PAX5: variants seen among roughly 807,000 people sequenced by gnomAD.
PAX5 encodes paired box 5.
PAX5 carries 9 observed loss-of-function variants against 43.7 expected under a neutral mutation model. That is an observed-to-expected ratio of 0.21 (90% CI 0.12 to 0.36). PAX5 has a LOEUF of 0.36. PAX5 is among the 10% of genes least tolerant of loss of function. The probability of loss-of-function intolerance (pLI) is 1.00; values close to 1 mark genes in which losing one functional copy is unlikely to be tolerated. For missense variants in PAX5, 383 were observed against 532.7 expected, an observed-to-expected ratio of 0.72 and a Z score of 2.77; for synonymous variants, 228 against 214.3, an observed-to-expected ratio of 1.06 and a Z score of -0.56.
intron 6 of PAX5, among the ~76,000 whole-genome samples, chr9:36,943,925 C>T (rs906280586): frequency 1.3e-5 from 2 of 152,082 alleles, no homozygotes; most frequent in African/African-American, 4.8e-5. Context: ...GTGGCTCACA[C>T]CTGTAATCTC....
chr9:36,950,603 G>C (rs2132106206), intron 6 of PAX5, among the ~76,000 whole-genome samples: 1 of 152,268 alleles, frequency 6.6e-6, no homozygotes, highest in South Asian at 2.1e-4. Flanking sequence ...ACTAAGATGA[G>C]AGCTGCCTCT....
intron 7 of PAX5, among the ~76,000 whole-genome samples, chr9:36,908,807 A>G (rs927912769): frequency 6.6e-6 from 1 of 152,232 alleles, no homozygotes; most frequent in Non-Finnish European, 1.5e-5. Flanking sequence ...AAAATCTATG[A>G]GACCATTAGC....
At chr9:36,900,620 C>G (rs993556791) in intron 7 of PAX5, among the ~76,000 whole-genome samples, 4 of 152,172 alleles carry the variant, frequency 2.6e-5, no homozygotes, top group African/African-American at 9.7e-5. Flanking sequence ...CCACTCACTC[C>G]CCCACTCCGG....
intron 5 of PAX5, among the ~76,000 whole-genome samples, chr9:36,971,665 C>T (rs1588116883): frequency 6.6e-6 from 1 of 152,288 alleles, no homozygotes; most frequent in East Asian, 1.9e-4. Context: ...GTAATAGACC[C>T]AGTGCTGGGC....
chr9:36,975,359 C>T (rs1282967622), intron 5 of PAX5, among the ~76,000 whole-genome samples: 1 of 152,064 alleles, frequency 6.6e-6, no homozygotes, highest in Non-Finnish European at 1.5e-5. Context: ...CTCTGTCTCT[C>T]ACAAGCCCAT....
intron 6 of PAX5, among the ~76,000 whole-genome samples, chr9:36,950,530 C>T (rs1026060718): frequency 7.2e-5 from 11 of 152,158 alleles, no homozygotes; most frequent in Admixed American, 3.3e-4. Flanking sequence ...ACACTCTCAG[C>T]GACAGAAGAT....
chr9:36,982,148 C>T (rs1207331867), intron 5 of PAX5, among the ~76,000 whole-genome samples: 1 of 152,098 alleles, frequency 6.6e-6, no homozygotes, highest in Non-Finnish European at 1.5e-5. Context: ...ACCTGTAGGC[C>T]CAGCTACTGG....
chr9:36,866,753 C>T (rs1824926452), intron 8 of PAX5, among the ~76,000 whole-genome samples: 1 of 152,122 alleles, frequency 6.6e-6, no homozygotes, highest in African/African-American at 2.4e-5. Context: ...TTGAACAAGT[C>T]CTTTCCTCAT....
At chr9:37,016,710 T>C (rs1327132484) in intron 2 of PAX5, among the ~76,000 whole-genome samples, 1 of 152,202 alleles carries the variant, frequency 6.6e-6, no homozygotes, top group Non-Finnish European at 1.5e-5. Context: ...ATTTTTTAAA[T>C]GACTAATAAT....
rs1373150693 is a variant in PAX5 at position 36,838,086 on chromosome 9, C to T, written c.*2474G>A. On this transcript the variant is annotated 3_prime_UTR_variant, in exon 10 of 10. Coordinates refer to ENST00000358127, the MANE Select transcript of PAX5 (RefSeq NM_016734.3). ...AGAGATGCCAGGTAACATACCTTCTCCTACCTTACCTGACAGGTGGAAGCT... is the reference window on the plus strand; with the variant it reads ...AGAGATGCCAGGTAACATACCTTCTTCTACCTTACCTGACAGGTGGAAGCT... 1 of 233,232 alleles carries T rather than the reference C, an allele frequency of 4.3e-6. No homozygotes were observed. The highest frequency in any genetic ancestry group is 8.5e-6 in the Non-Finnish European group (1 of 118,092). 14.4% of individuals were successfully genotyped at this position (233,232 alleles called of 1,614,324 possible). A position where few individuals can be genotyped will look rare whatever the true frequency, so the allele number is the denominator to read the frequency against.
At chr9:36,975,423 T>A (rs1411660026) in intron 5 of PAX5, among the ~76,000 whole-genome samples, 1 of 151,932 alleles carries the variant, frequency 6.6e-6, no homozygotes, top group Non-Finnish European at 1.5e-5. Flanking sequence ...TCTTGCTCTG[T>A]TGCCCAGGCT....
intron 7 of PAX5, among the ~76,000 whole-genome samples, chr9:36,922,410 G>C (rs892317770): frequency 6.6e-6 from 1 of 152,198 alleles, no homozygotes; most frequent in African/African-American, 2.4e-5. Flanking sequence ...TGCAGTACCC[G>C]AGCGGGCCTC....
At chr9:36,961,151 A>G (rs1057155901) in intron 6 of PAX5, among the ~76,000 whole-genome samples, 31 of 152,210 alleles carry the variant, frequency 2.0e-4, no homozygotes, top group Admixed American at 2.0e-3. Flanking sequence ...GACCAAGCTC[A>G]ACATGCTCAG....
chr9:37,010,745 A>G lies in PAX5; in HGVS notation c.411-4208T>C, dbSNP rs141704201. 5.1e-3 allele frequency among the ~76,000 whole-genome samples: 779 copies of G among 152,312 alleles called. 7 individuals carry two copies. The highest frequency in any genetic ancestry group is 0.015 in the African/African-American group (640 of 41,566). On this transcript the variant is annotated intron_variant, in intron 3 of 9. Transcript: ENST00000358127. ...CTATGGCACTGATCAAACTGCCATC[A>G]GTGCAGTAAGAAGCTTGGGCCATCA...
chr9:36,834,593 G>A lies in PAX5; in HGVS notation c.*5967C>T, dbSNP rs1163726659. 2 of 233,044 alleles carry A rather than the reference G, an allele frequency of 8.6e-6. No individual in the cohort carries two copies. Among genetic ancestry groups the A allele is most frequent in the Non-Finnish European group, 1.7e-5 (2 of 118,032 alleles). The allele number at this position is 233,044 out of a possible 1,614,324, so 14.4% of individuals were successfully genotyped here. A position where few individuals can be genotyped will look rare whatever the true frequency, so the allele number is the denominator to read the frequency against. ...TAATTGGCTATTGATTGGTTGGAAT[G>A]TTCAACTCTCCATTTCCTCAAATAC... On this transcript the variant is annotated 3_prime_UTR_variant, in exon 10 of 10. Coordinates refer to ENST00000358127, the MANE Select transcript of PAX5 (RefSeq NM_016734.3).
chr9:36,915,119 C>T (rs1011703100), intron 7 of PAX5, among the ~76,000 whole-genome samples: 2 of 152,160 alleles, frequency 1.3e-5, no homozygotes, highest in Non-Finnish European at 2.9e-5. Context: ...AAGGATCATA[C>T]ATATATAGAT....
chr9:36,976,115 C>T (rs1380281207), intron 5 of PAX5, among the ~76,000 whole-genome samples: 1 of 152,172 alleles, frequency 6.6e-6, no homozygotes, highest in Admixed American at 6.5e-5. Context: ...GTCTCGCCTA[C>T]TTCTAAGACA....
chr9:36,978,689 C>T (rs1219683574), intron 5 of PAX5, among the ~76,000 whole-genome samples: 4 of 152,032 alleles, frequency 2.6e-5, no homozygotes, highest in African/African-American at 9.7e-5. Flanking sequence ...GGAGAAATCA[C>T]TAAATTTCTC....
chr9:36,991,335 C>T (rs1050435193), intron 5 of PAX5, among the ~76,000 whole-genome samples: 1 of 152,090 alleles, frequency 6.6e-6, no homozygotes, highest in Non-Finnish European at 1.5e-5. Context: ...CTCTCTGGTA[C>T]ACCACAGAGT....
Sources: gnomAD v4.1 joint callset for allele counts (sites outside exome capture counted in the v4.1 genomes callset) on GRCh38, gnomAD v4.1.1 for gene constraint, MANE v1.5 for transcripts, NCBI Gene and HGNC (gene_info 2026-07-23, HGNC 2026-07-21) for gene names.